NLRP5: variants seen among roughly 807,000 people sequenced by gnomAD.
NLRP5 encodes NLR family pyrin domain containing 5.
A neutral mutation model predicts 113.1 loss-of-function variants in NLRP5; 93 were observed. That is an observed-to-expected ratio of 0.82 (90% CI 0.70 to 0.98). The LOEUF is 0.98. NLRP5 is among the 50% of genes least tolerant of loss of function. NLRP5 has a pLI of 0.00. For synonymous variants in NLRP5, 751 were observed against 600.7 expected (o/e 1.25, Z -3.66); for missense variants, 1,808 against 1,514.3 (o/e 1.19, Z -3.22).
chr19:56,050,363 G>C, intron 11 of NLRP5, 55 bp from the exon 12 acceptor site: 2 of 1,545,304 alleles, frequency 1.3e-6, no homozygotes, highest in Non-Finnish European at 1.8e-6. Flanking sequence ...GCTCACTTGA[G>C]GCCATGCTGG....
chr19:56,055,781 A>G (rs8101589), intron 13 of NLRP5, among the ~76,000 whole-genome samples: 10,703 of 150,790 alleles, frequency 0.071, 381 homozygotes, highest in Middle Eastern at 0.092. Context: ...TCCTGACCTC[A>G]TGATCTGCCC....
the NLRP5 span, among the ~76,000 whole-genome samples, chr19:55,987,014 C>T: frequency 6.6e-6 from 1 of 152,186 alleles, no homozygotes; most frequent in African/African-American, 2.4e-5. Flanking sequence ...CCTCTAAAAC[C>T]TCATATTTAC....
At chr19:55,987,964 C>G in the NLRP5 span, 1 of 1,415,726 alleles carries the variant, frequency 7.1e-7, no homozygotes, top group Non-Finnish European at 1.0e-6. Flanking sequence ...CCCACTCTGA[C>G]AACTGGCAAA....
At chr19:56,055,474 A>C (rs932791367) in intron 13 of NLRP5, among the ~76,000 whole-genome samples, 2 of 147,160 alleles carry the variant, frequency 1.4e-5, no homozygotes, top group Non-Finnish European at 1.5e-5. Context: ...ATCAAGGCTT[A>C]CTTATCTTAC....
intron 12 of NLRP5, 25 bp from the exon 13 acceptor site, chr19:56,053,611 ACT>A (rs761167873): frequency 6.3e-6 from 10 of 1,595,286 alleles, no homozygotes; most frequent in Admixed American, 3.4e-5. Flanking sequence ...AGAGAGGCAG[ACT>A]CTCTCTATTC....
chr19:56,021,651 C>G (rs1982622150), intron 6 of NLRP5, among the ~76,000 whole-genome samples: 1 of 152,184 alleles, frequency 6.6e-6, no homozygotes, highest in Admixed American at 6.5e-5. Flanking sequence ...TCTATCAGCA[C>G]TTCGTTTTTG....
chr19:56,013,404 A>G (rs887746028), intron 3 of NLRP5, among the ~76,000 whole-genome samples: 6 of 151,738 alleles, frequency 4.0e-5, no homozygotes, highest in South Asian at 2.1e-4. Context: ...GTGTTAGCCA[A>G]AATTGTCTCG....
chr19:56,025,386 T>TTCTCTC (rs3055366), intron 6 of NLRP5, among the ~76,000 whole-genome samples: 4,573 of 146,542 alleles, frequency 0.031, 135 homozygotes, highest in South Asian at 0.14. Context: ...ACGTGCTCCG[T>TTCTCTC]TCTCTCTCTC....
At chr19:56,030,280 G>A (rs181786447) in intron 7 of NLRP5, among the ~76,000 whole-genome samples, 596 of 152,092 alleles carry the variant, frequency 3.9e-3, no homozygotes, top group African/African-American at 0.014. Flanking sequence ...TGAGGCAGGA[G>A]AATTGCTGGA....
intron 11 of NLRP5, among the ~76,000 whole-genome samples, chr19:56,049,831 A>AT (rs892247414): frequency 8.6e-5 from 13 of 151,750 alleles, no homozygotes; most frequent in African/African-American, 2.7e-4. Flanking sequence ...AAGCTCCTGT[A>AT]TTTTTTCAGG....
At chr19:56,021,096 TC>T (rs1274715794) in intron 6 of NLRP5, among the ~76,000 whole-genome samples, 17 of 152,104 alleles carry the variant, frequency 1.1e-4, no homozygotes, top group Admixed American at 1.1e-3. Context: ...GGTCTCGCAC[TC>T]CTGATCTCGT....
intron 6 of NLRP5, among the ~76,000 whole-genome samples, chr19:56,024,428 T>TAC (rs1568489427): frequency 2.8e-5 from 4 of 142,464 alleles, no homozygotes; most frequent in African/African-American, 1.1e-4. Flanking sequence ...ATGTTATATA[T>TAC]ACACATATAC....
intron 2 of NLRP5, among the ~76,000 whole-genome samples, chr19:56,006,930 G>A (rs56131074): frequency 0.29 from 43,405 of 150,548 alleles, 7,072 homozygotes; most frequent in Middle Eastern, 0.38. Flanking sequence ...TAGTAGAGAA[G>A]GGGTTTCACC....
At chr19:56,015,001 T>C (rs1246881629) in intron 3 of NLRP5, among the ~76,000 whole-genome samples, 1 of 152,198 alleles carries the variant, frequency 6.6e-6, no homozygotes, top group Non-Finnish European at 1.5e-5. Context: ...ATGTTGGGTA[T>C]ATGACACAGT....
At position 56,032,799 on chromosome 19, in the gene NLRP5, C is replaced by T. The variant is rs367733884; in HGVS notation, c.2447+18C>T. The T allele has an allele frequency of 5.0e-6, 8 of 1,589,990 alleles. No individual in the cohort carries two copies. Among genetic ancestry groups the T allele is most frequent in the Middle Eastern group, 2.2e-4 (1 of 4,464 alleles). On this transcript the variant is annotated intron_variant, in intron 8 of 14. Transcript: ENST00000390649. ...ACCCTGATGTAAGGCTGCCCGCCCC[C>T]TACGAGAGAATCCCTTCCCATGACG... is the stretch of plus-strand genomic sequence containing the variant.
intron 11 of NLRP5, among the ~76,000 whole-genome samples, chr19:56,043,666 T>C (rs1961497): frequency 0.025 from 3,726 of 147,872 alleles, 136 homozygotes; most frequent in African/African-American, 0.087. Flanking sequence ...CCTGGGTTCA[T>C]GCCATTCTCC....
At chr19:56,029,929 C>G (rs1983028901) in intron 7 of NLRP5, among the ~76,000 whole-genome samples, 1 of 150,932 alleles carries the variant, frequency 6.6e-6, no homozygotes, top group African/African-American at 2.4e-5. Context: ...GTGGCGCACA[C>G]CTGTAATCCC....
At chr19:55,991,168 TC>T in the NLRP5 span, among the ~76,000 whole-genome samples, 5 of 152,316 alleles carry the variant, frequency 3.3e-5, 1 homozygote, top group African/African-American at 1.2e-4. Flanking sequence ...TCATCTTGTC[TC>T]TTTTATACCA....
intron 5 of NLRP5, among the ~76,000 whole-genome samples, chr19:56,019,931 G>A (rs1982550485): frequency 6.6e-6 from 1 of 151,192 alleles, no homozygotes; most frequent in Admixed American, 6.6e-5. Context: ...CTGCCTCCCA[G>A]GTTCAAGCGA....
Sources: allele counts gnomAD v4.1 joint callset (sites outside exome capture counted in the v4.1 genomes callset), GRCh38; gene constraint gnomAD v4.1.1; transcripts MANE v1.5; gene names NCBI Gene and HGNC (gene_info 2026-07-23, HGNC 2026-07-21).